The following UTP4 variants were observed in gnomAD, a reference collection of about 807,000 sequenced individuals.
The protein encoded by UTP4 is U3 small nucleolar RNA-associated protein 4 homolog.
UTP4 carries 45 observed loss-of-function variants against 82.4 expected under a neutral mutation model. That is an observed-to-expected ratio of 0.55 (90% CI 0.43 to 0.70). The LOEUF (loss-of-function observed/expected upper bound fraction) is 0.70. UTP4 is among the 30% of genes least tolerant of loss of function. The pLI, the probability that UTP4 is intolerant of heterozygous loss-of-function variation, is 0.00. For missense variants in UTP4, 819 were observed against 858.3 expected, an observed-to-expected ratio of 0.95 and a Z score of 0.57; for synonymous variants, 348 against 300.3, an observed-to-expected ratio of 1.16 and a Z score of -1.64.
intron 4 of UTP4, among the ~76,000 whole-genome samples, chr16:69,138,382 C>A (rs955262796): frequency 2.6e-5 from 4 of 152,088 alleles, no homozygotes; most frequent in Non-Finnish European, 5.9e-5. Flanking sequence ...GGATTCCAGG[C>A]ACGTGCCATC....
At chr16:69,168,478 G>A (rs573336108) in intron 16 of UTP4, among the ~76,000 whole-genome samples, 46 of 150,692 alleles carry the variant, frequency 3.1e-4, no homozygotes, top group Admixed American at 1.3e-4. Context: ...CTTGAGCCAG[G>A]CGCAGCCGTG....
intron 12 of UTP4, among the ~76,000 whole-genome samples, chr16:69,159,984 CAA>C (rs747900916): frequency 1.1e-5 from 1 of 90,434 alleles, no homozygotes; most frequent in Non-Finnish European, 2.3e-5. Context: ...GACTCCATCT[CAA>C]AAAAAAAAAA....
chr16:69,162,899 A>G (rs1172682823), intron 13 of UTP4, among the ~76,000 whole-genome samples, 184 bp from the exon 14 acceptor site: 1 of 151,990 alleles, frequency 6.6e-6, no homozygotes, highest in Admixed American at 6.6e-5. Context: ...TCAAAAAAAA[A>G]AAAAAGAGAA....
In UTP4 at chr16:69,143,332, G is replaced by A. The variant is rs777258895; in HGVS notation, c.681G>A (p.Thr227=). 4.3e-6 allele frequency: 7 copies of A among 1,614,062 alleles called. No individual in the cohort carries two copies. In the East Asian group the frequency reaches 6.7e-5, roughly 15 times the overall value. Residue 227 remains threonine (T), a synonymous_variant, in exon 6 of 17, where the codon ACG becomes ACA. Transcript: ENST00000314423. ...KVQFWDSATG[T]LVKSHLIANA... ...AGTTCTGGGACTCAGCCACTGGGAC[G>A]CTTGTGAAGAGCCATCTCATCGCTA... is the stretch of plus-strand genomic sequence containing the variant.
intron 12 of UTP4, among the ~76,000 whole-genome samples, chr16:69,157,595 A>AT (rs1224364816): frequency 3.9e-5 from 6 of 152,122 alleles, no homozygotes; most frequent in Non-Finnish European, 7.4e-5. Flanking sequence ...TCTAATATGT[A>AT]TTTGTATATA....
At chr16:69,146,130 A>C (rs1963102573) in intron 6 of UTP4, among the ~76,000 whole-genome samples, 1 of 151,930 alleles carries the variant, frequency 6.6e-6, no homozygotes, top group Non-Finnish European at 1.5e-5. Context: ...GATATTCCAA[A>C]CTTTAGTCTT....
At position 69,152,501 on chromosome 16, in the gene UTP4, C is replaced by G. The variant is rs1395940821; in HGVS notation, c.1003-1083C>G. Among the ~76,000 whole-genome samples the G allele has an allele frequency of 4.6e-5, 6 of 130,900 alleles. No homozygotes were observed. The Admixed American group carries it at 5.2e-4, about 11-fold the overall frequency. The allele number at this position is 130,900 out of a possible 152,430, so 85.9% of individuals were successfully genotyped here. A position where few individuals can be genotyped will look rare whatever the true frequency, so the allele number is the denominator to read the frequency against. On this transcript the variant is annotated intron_variant, in intron 8 of 16. Coordinates refer to ENST00000314423, the MANE Select transcript of UTP4 (RefSeq NM_032830.3). Reference sequence around the variant, plus strand: ...TTTTTTTTTTTGAGACAGAGCTTTGCTCTTGTTGCCCAGGCTGGAGTGTAG... The same window carrying G: ...TTTTTTTTTTTGAGACAGAGCTTTGGTCTTGTTGCCCAGGCTGGAGTGTAG...
At chr16:69,150,120 A>C (rs1199007115) in intron 6 of UTP4, among the ~76,000 whole-genome samples, 1 of 152,208 alleles carries the variant, frequency 6.6e-6, no homozygotes, top group Non-Finnish European at 1.5e-5. Flanking sequence ...TTATTGGTTT[A>C]ATACATTTCT....
At chr16:69,148,290 T>G (rs1963173498) in intron 6 of UTP4, among the ~76,000 whole-genome samples, 1 of 150,840 alleles carries the variant, frequency 6.6e-6, no homozygotes. Flanking sequence ...AGAGACGGGG[T>G]TTCATTATGT....
intron 10 of UTP4, 39 bp from the exon 11 acceptor site, chr16:69,155,832 G>C (rs752309379): frequency 1.5e-5 from 24 of 1,613,680 alleles, no homozygotes; most frequent in Non-Finnish European, 1.8e-5. Flanking sequence ...GTTATGTGAA[G>C]TTTAATTGCA....
chr16:69,167,192 C>T lies in UTP4; in HGVS notation c.1944+7C>T. ...AATTTCTAAGATATATAAGGTAAAA[C>T]ATCTTGTGTTGTTATTCTGGATAGT... On this transcript the variant is annotated splice_region_variant and intron_variant, in intron 16 of 16. Transcript: ENST00000314423. The T allele has an allele frequency of 6.5e-7, 1 of 1,542,274 alleles. No individual in the cohort carries two copies. Among genetic ancestry groups the T allele is most frequent in the East Asian group, 2.2e-5 (1 of 44,538 alleles).
At chr16:69,136,402 A>AT in intron 2 of UTP4, among the ~76,000 whole-genome samples, 1 of 152,252 alleles carries the variant, frequency 6.6e-6, no homozygotes, top group East Asian at 1.9e-4. Flanking sequence ...TACTTTTTAT[A>AT]TTTTTTGTAG....
At chr16:69,162,946 C>T in intron 13 of UTP4, 137 bp from the exon 14 acceptor site, 1 of 756,206 alleles carries the variant, frequency 1.3e-6, no homozygotes, top group South Asian at 1.4e-5. Flanking sequence ...GGGGAAATGC[C>T]TGAAATTTTT....
At chr16:69,166,192 T>C (rs1963698816) in intron 15 of UTP4, 1 of 168,908 alleles carries the variant, frequency 5.9e-6, no homozygotes, top group South Asian at 1.5e-4. Context: ...ATTGTGGCCA[T>C]GCCTGTCCTG....
At chr16:69,167,035 T>G (rs1472517529) in intron 15 of UTP4, 40 bp from the exon 16 acceptor site, 10 of 1,428,660 alleles carry the variant, frequency 7.0e-6, no homozygotes, top group Non-Finnish European at 9.9e-6. Flanking sequence ...AGAAGCCCAA[T>G]AAAAGTAACC....
At chr16:69,133,204 A>G (rs775529324) in intron 1 of UTP4, among the ~76,000 whole-genome samples, 2 of 151,958 alleles carry the variant, frequency 1.3e-5, no homozygotes, top group African/African-American at 2.4e-5. Context: ...GCGCCCCGAG[A>G]TAGGAACTCT....
At position 69,165,448 on chromosome 16, in the gene UTP4, CAT is replaced by C. The variant is rs766956147; in HGVS notation, c.1756_1757del (p.Ile586GlnfsTer14). The C allele has an allele frequency of 6.2e-7, 1 of 1,614,010 alleles. No homozygotes were observed. The highest frequency in any genetic ancestry group is 8.5e-7 in the Non-Finnish European group (1 of 1,179,878). Reference protein sequence around the residue: ...WLQRDTPITHISFHPKRPMHI... With the variant: ...WLQRDTPITHXSFHPKRPMHI... ...TCCAAAGGGATACTCCTATCACACA[CAT>C]CAGTTTTCATCCCAAGAGACCGATG... On this transcript the variant is annotated frameshift_variant, in exon 15 of 17. Transcript: ENST00000314423. LOFTEE classifies it high-confidence loss of function.
rs777770095 is a variant in UTP4, at chr16:69,150,851, A to T, written c.949A>T (p.Lys317Ter). The change falls in exon 8 of 17, where the codon AAG becomes TAG. Residue 317 changes from lysine to a stop codon, truncating the protein, a stop_gained. Transcript: ENST00000314423. LOFTEE classifies it high-confidence loss of function. ...THLVFRPLME[K>*]VEVKNYDAAL... ...CTTAGTCTTTCGTCCTCTCATGGAG[A>T]AGGTGGAAGTAAAGAATTACGATGC... 7.4e-6 allele frequency: 12 copies of T among 1,613,984 alleles called. No homozygotes were observed. The South Asian group carries it at 1.3e-4, about 18-fold the overall frequency.
intron 6 of UTP4, among the ~76,000 whole-genome samples, chr16:69,148,658 G>A (rs1350662195): frequency 6.6e-6 from 1 of 150,714 alleles, no homozygotes; most frequent in East Asian, 1.9e-4. Flanking sequence ...TGTCACCCAG[G>A]TGGAGTGCAG....
Sources: allele counts gnomAD v4.1 joint callset (sites outside exome capture counted in the v4.1 genomes callset), GRCh38; gene constraint gnomAD v4.1.1; transcripts MANE v1.5; gene names NCBI Gene and HGNC (gene_info 2026-07-23, HGNC 2026-07-21).